The following ERMARD variants were observed in gnomAD, a reference collection of about 807,000 sequenced individuals.
ERMARD encodes ER membrane associated RNA degradation, also known as endoplasmic reticulum membrane-associated RNA degradation protein.
ERMARD carries 71 observed loss-of-function variants against 83.9 expected under a neutral mutation model. The ratio of observed to expected loss-of-function variants is 0.85; its 90% confidence interval spans 0.70 to 1.03. The LOEUF is 1.03. ERMARD is among the 50% of genes least tolerant of loss of function. The pLI is 0.00. For missense variants in ERMARD, 838 were observed against 810.9 expected (o/e 1.03, Z -0.41); for synonymous variants, 284 against 298.6 (o/e 0.95, Z 0.50).
chr6:169,757,677 C>G (rs1411102503), intron 5 of ERMARD, among the ~76,000 whole-genome samples: 2 of 152,038 alleles, frequency 1.3e-5, no homozygotes, highest in Non-Finnish European at 2.9e-5. Flanking sequence ...ATGGAGAAAC[C>G]CAGAAGAGCC....
chr6:169,775,815 A>T, intron 14 of ERMARD, 125 bp from the exon 15 acceptor site: 2 of 1,245,734 alleles, frequency 1.6e-6, no homozygotes, highest in Non-Finnish European at 2.2e-6. Flanking sequence ...TTTCCATTTT[A>T]TATTTGAGGA....
At chr6:169,770,279 G>A (rs1391171492) in intron 12 of ERMARD, 1 of 152,050 alleles carries the variant, frequency 6.6e-6, no homozygotes, top group East Asian at 1.9e-4. Context: ...TTAATAATTC[G>A]GTGTTGTTGC....
At chr6:169,776,110 C>T (rs1793563867) in intron 15 of ERMARD, 45 bp downstream of exon 15, 4 of 1,604,488 alleles carry the variant, frequency 2.5e-6, no homozygotes, top group East Asian at 2.2e-5. Context: ...ATTGATTCAG[C>T]AGATTAGCAT....
chr6:169,776,114 T>A (rs765370425), intron 15 of ERMARD, 49 bp downstream of exon 15: 1 of 1,601,286 alleles, frequency 6.2e-7, no homozygotes, highest in South Asian at 1.1e-5. Context: ...ATTCAGCAGA[T>A]TAGCATAGCA....
chr6:169,780,856 G>A (rs1010402248), intron 17 of ERMARD, among the ~76,000 whole-genome samples: 2 of 151,930 alleles, frequency 1.3e-5, no homozygotes, highest in African/African-American at 4.8e-5. Flanking sequence ...CATCAATGTG[G>A]GAAAAAAAAA....
intron 12 of ERMARD, chr6:169,770,749 A>G (rs1792800944): frequency 6.6e-6 from 1 of 152,110 alleles, no homozygotes; most frequent in African/African-American, 2.4e-5. Flanking sequence ...CCTCTTGAGT[A>G]GCTGGGACCA....
At chr6:169,752,895 G>A (rs6907286) in intron 1 of ERMARD, 89,161 of 152,092 alleles carry the variant, frequency 0.59, 29,453 homozygotes, top group East Asian at 0.98. Context: ...ATCTTAGTTC[G>A]GAGTGACCCC....
At chr6:169,751,782 C>G in intron 1 of ERMARD, 119 bp downstream of exon 1, 7 of 1,374,616 alleles carry the variant, frequency 5.1e-6, no homozygotes, top group Non-Finnish European at 6.7e-6. Context: ...GGCCGGCGGT[C>G]CCGCGCTGGA....
At chr6:169,776,120 T>C (rs1375500514) in intron 15 of ERMARD, 55 bp downstream of exon 15, 1 of 1,595,640 alleles carries the variant, frequency 6.3e-7, no homozygotes, top group Non-Finnish European at 8.5e-7. Context: ...CAGATTAGCA[T>C]AGCAAACTTA....
intron 6 of ERMARD, 43 bp from the exon 7 acceptor site, chr6:169,759,795 G>A: frequency 6.5e-7 from 1 of 1,547,848 alleles, no homozygotes; most frequent in South Asian, 1.2e-5. Context: ...TTATAGGCAT[G>A]ATTGAGTACA....
intron 9 of ERMARD, among the ~76,000 whole-genome samples, chr6:169,764,324 G>C (rs1447455724): frequency 1.3e-5 from 2 of 150,350 alleles, no homozygotes; most frequent in Non-Finnish European, 3.0e-5. Flanking sequence ...AAGTGCGGTG[G>C]TGCAGTCATA....
Position 169,775,351 on chromosome 6 carries a change from G to A in ERMARD, c.1394+5G>A, listed in dbSNP as rs780298745. The stretch of plus-strand genomic sequence containing the variant: ...ACTCACTCGGCAAGCCGTCAGGTGC[G>A]TGGCATCCTGGGGCCTGGCTGACCT... On this transcript the variant is annotated splice_donor_5th_base_variant and intron_variant, in intron 14 of 17. Transcript: ENST00000366773. 5 of 1,613,972 alleles carry A rather than the reference G, an allele frequency of 3.1e-6. No individual in the cohort carries two copies. Among genetic ancestry groups the A allele is most frequent in the East Asian group, 2.2e-5 (1 of 44,890 alleles).
chr6:169,772,205 T>C (rs1793008336), intron 12 of ERMARD, among the ~76,000 whole-genome samples: 1 of 152,216 alleles, frequency 6.6e-6, no homozygotes, highest in Admixed American at 6.5e-5. Context: ...TTTACCAACA[T>C]GTCTTCCTTC....
chr6:169,770,043 A>T (rs576597008), intron 12 of ERMARD, among the ~76,000 whole-genome samples: 12 of 152,360 alleles, frequency 7.9e-5, no homozygotes, highest in South Asian at 4.1e-4. Context: ...ATATTTGCTA[A>T]ATCGATGGGG....
intron 9 of ERMARD, among the ~76,000 whole-genome samples, chr6:169,764,802 C>A (rs1177139519): frequency 1.3e-5 from 2 of 152,188 alleles, no homozygotes; most frequent in African/African-American, 4.8e-5. Flanking sequence ...TTTCCTCTTA[C>A]TTTGTTCCTC....
chr6:169,756,395 A>G lies in ERMARD; in HGVS notation c.373A>G (p.Ser125Gly). 1 of 1,612,160 alleles carries G rather than the reference A, an allele frequency of 6.2e-7. No individual in the cohort carries two copies. Among genetic ancestry groups the G allele is most frequent in the Non-Finnish European group, 8.5e-7 (1 of 1,179,420 alleles). The stretch of plus-strand genomic sequence containing the variant: ...TCTACAATCTCCTGCTATTTCTCTT[A>G]GCTTAATGAAACTGACATCGTGTCT... Reference protein sequence around the residue: ...ESLQSPAISLSLMKLTSCLER... With the variant: ...ESLQSPAISLGLMKLTSCLER... The change falls in exon 4 of 18, where the codon AGC (serine) becomes GGC (glycine). Residue 125 changes from serine to glycine, a missense_variant. Physicochemically the swap from Ser to Gly is moderately conservative, Grantham distance 56. Coordinates refer to ENST00000366773, the MANE Select transcript of ERMARD (RefSeq NM_018341.3).
At chr6:169,765,855 C>T (rs1324253955) in intron 9 of ERMARD, among the ~76,000 whole-genome samples, 2 of 152,120 alleles carry the variant, frequency 1.3e-5, no homozygotes, top group African/African-American at 4.8e-5. Flanking sequence ...AGCCAATCCT[C>T]ATGCTGTCAA....
At chr6:169,755,496 T>G in intron 3 of ERMARD, 74 bp downstream of exon 3, 1 of 1,562,456 alleles carries the variant, frequency 6.4e-7, no homozygotes, top group Non-Finnish European at 8.7e-7. Flanking sequence ...ATTTGCCAAT[T>G]TTAAAGGGGC....
At chr6:169,763,379 G>C (rs1321750020) in intron 9 of ERMARD, among the ~76,000 whole-genome samples, 3 of 152,180 alleles carry the variant, frequency 2.0e-5, no homozygotes, top group Non-Finnish European at 4.4e-5. Flanking sequence ...GGCTCCAGCC[G>C]GCTGTGTCAG....
Sources: gnomAD v4.1 joint callset for allele counts (sites outside exome capture counted in the v4.1 genomes callset) on GRCh38, gnomAD v4.1.1 for gene constraint, MANE v1.5 for transcripts, NCBI Gene and HGNC (gene_info 2026-07-23, HGNC 2026-07-21) for gene names.